The following DDN variants were observed in gnomAD, a reference collection of about 807,000 sequenced individuals.
The protein encoded by DDN is dendrin.
DDN carries 4 observed loss-of-function variants against 7.3 expected under a neutral mutation model. The ratio of observed to expected loss-of-function variants is 0.55; its 90% CI spans 0.27 to 1.25. The LOEUF (loss-of-function observed/expected upper bound fraction) is 1.25. Among genes scored for constraint, DDN ranks in the 50% most tolerant of loss-of-function variants. DDN has a pLI of 0.12. For synonymous variants in DDN, 425 were observed against 424.3 expected (o/e 1.00, Z -0.02); for missense variants, 933 against 974.7 (o/e 0.96, Z 0.57).
At chr12:48,999,017 G>A (rs750266624) in intron 1 of DDN, 62 bp downstream of exon 1, 33 of 1,562,408 alleles carry the variant, frequency 2.1e-5, no homozygotes, top group Non-Finnish European at 2.7e-5. Flanking sequence ...GGTGCCTGCG[G>A]GGAGGTCCGG....
chr12:48,997,077 C>G lies in DDN; in HGVS notation c.1799G>C (p.Trp600Ser). The G allele has an allele frequency of 1.3e-6, 2 of 1,523,062 alleles. No individual in the cohort carries two copies. Among genetic ancestry groups the G allele is most frequent in the Non-Finnish European group, 1.7e-6 (2 of 1,143,896 alleles). The allele number at this position is 1,523,062 out of a possible 1,614,324, so 94.3% of individuals were successfully genotyped here. The change falls in exon 2 of 2, where the codon TGG becomes TCG. Residue 600 changes from tryptophan to serine, a missense_variant. Coordinates refer to ENST00000421952, the MANE Select transcript of DDN (RefSeq NM_015086.2). ...AVVQRRAGRG[W>S]ARTPGPYAGA... is the part of the protein sequence containing the mutation. ...GGCGTAGGGCCCTGGGGTCCGCGCCCAGCCCCGGCCGGCGCGCCGCTGGAC... is the reference window on the plus strand; with the variant it reads ...GGCGTAGGGCCCTGGGGTCCGCGCCGAGCCCCGGCCGGCGCGCCGCTGGAC...
chr12:48,998,547 T>A lies in DDN; in HGVS notation c.329A>T (p.Gln110Leu), dbSNP rs1216085971. 6.3e-7 allele frequency: 1 copy of A among 1,594,074 alleles called. No homozygotes were observed. Among genetic ancestry groups the A allele is most frequent in the Non-Finnish European group, 8.5e-7 (1 of 1,177,502 alleles). Residue 110 changes from glutamine to leucine, a missense_variant, in exon 2 of 2, where the codon CAA becomes CTA. By Grantham distance (113) the Gln-to-Leu change is moderately radical. Transcript: ENST00000421952. ...CTGCGACGCCGCTTTCCTTTTCTCTTGCTCCCGAGCTCGGACCTCGGCCAG... is the reference window on the plus strand; with the variant it reads ...CTGCGACGCCGCTTTCCTTTTCTCTAGCTCCCGAGCTCGGACCTCGGCCAG... ...GPLAEVRARE[Q>L]EKRKAASQER...
In DDN at chr12:48,997,559, C is replaced by A; in HGVS notation, c.1317G>T (p.Leu439Phe). ...GGGACAGGCCCTGGGAACTGCGGGG[C>A]AAGGTGTGGGCACGGCGGGTCGCCT... The part of the protein sequence containing the change: ...GWKATRRAHT[L>F]PRSSQGLSRG... Residue 439 changes from leucine (L) to phenylalanine (F), a missense_variant, in exon 2 of 2, where the codon TTG becomes TTT. Leu to Phe is a conservative substitution (Grantham distance 22). Transcript: ENST00000421952. 6.2e-7 allele frequency: 1 copy of A among 1,600,534 alleles called. No individual in the cohort carries two copies. The highest frequency in any genetic ancestry group is 8.5e-7 in the Non-Finnish European group (1 of 1,171,044).
At chr12:48,998,954 G>GAGT (rs1941259485) in intron 1 of DDN, 125 bp downstream of exon 1, 2 of 1,149,768 alleles carry the variant, frequency 1.7e-6, no homozygotes, top group South Asian at 2.9e-5. Flanking sequence ...GCCCTCGGGA[G>GAGT]CGGGCAGAGG....
Position 48,998,322 on chromosome 12 carries a change from G to A in DDN, c.554C>T (p.Pro185Leu), listed in dbSNP as rs759235565. The stretch of plus-strand genomic sequence containing the variant: ...CCAGGGCCCCGCCCACGCCGACCCT[G>A]GGTCGCTCTGCGGCTGCGCGGATGG... The part of the protein sequence containing the change: ...PRPSAQPQSD[P>L]GSAWAGPWGG... Residue 185 changes from proline to leucine, a missense_variant, in exon 2 of 2, where the codon CCA becomes CTA. Coordinates refer to ENST00000421952, the MANE Select transcript of DDN (RefSeq NM_015086.2). The A allele has an allele frequency of 1.4e-4, 222 of 1,561,352 alleles. No individual in the cohort carries two copies. Among genetic ancestry groups the A allele is most frequent in the Non-Finnish European group, 1.8e-4 (206 of 1,159,026 alleles).
In DDN at chr12:48,998,210, G is replaced by A; in HGVS notation, c.666C>T (p.Asp222=). 1.9e-6 allele frequency: 3 copies of A among 1,612,758 alleles called. No homozygotes were observed. Among genetic ancestry groups the A allele is most frequent in the Middle Eastern group, 1.7e-4 (1 of 6,054 alleles). The part of the protein sequence containing the change: ...SAGTAPRRRW[D]RPPPYVAPPS... The stretch of plus-strand genomic sequence containing the variant: ...GTGGAGCCACGTAGGGTGGCGGCCG[G>A]TCCCAGCGGCGTCGTGGGGCGGTCC... The change falls in exon 2 of 2, where the codon GAC becomes GAT. Residue 222 remains aspartate, a synonymous_variant. Transcript: ENST00000421952.
At chr12:48,998,786 G>T in intron 1 of DDN, 120 bp from the exon 2 acceptor site, 1 of 1,248,620 alleles carries the variant, frequency 8.0e-7, no homozygotes, top group Non-Finnish European at 1.1e-6. Context: ...GTGTGAGTGT[G>T]TGCGCGTGTG....
Position 48,998,135 on chromosome 12 carries a change from C to T in DDN, c.741G>A (p.Gly247=). 5 of 1,613,662 alleles carry T rather than the reference C, an allele frequency of 3.1e-6. No homozygotes were observed. The highest frequency in any genetic ancestry group is 4.2e-6 in the Non-Finnish European group (5 of 1,180,008). Residue 247 remains glycine (G), a synonymous_variant, in exon 2 of 2, where the codon GGG becomes GGA. Coordinates refer to ENST00000421952, the MANE Select transcript of DDN (RefSeq NM_015086.2). The stretch of plus-strand genomic sequence containing the variant: ...CTGATGAAGTGGGCACCTGAGAGTT[C>T]CCGGGGCCTCTCTTAGTCCCCAAGG... ...HRTLGTKRGP[G]NSQVPTSSAP... is the part of the protein sequence containing the mutation.
In DDN at chr12:48,998,683, G is replaced by A; in HGVS notation, c.210-17C>T. 1 of 1,476,602 alleles carries A rather than the reference G, an allele frequency of 6.8e-7. No individual in the cohort carries two copies. Among genetic ancestry groups the A allele is most frequent in the Non-Finnish European group, 8.9e-7 (1 of 1,123,236 alleles). 91.5% of individuals were successfully genotyped at this position (1,476,602 alleles called of 1,614,324 possible). On this transcript the variant is annotated splice_polypyrimidine_tract_variant and intron_variant, in intron 1 of 1. Transcript: ENST00000421952. ...GGCCCACACCTGGGACAATGAGCAG[G>A]AACCCAGGTGAGCAGTTTGTGGGGG... is the stretch of plus-strand genomic sequence containing the variant.
intron 1 of DDN, 126 bp from the exon 2 acceptor site, chr12:48,998,792 G>C (rs1941256612): frequency 1.7e-6 from 2 of 1,205,264 alleles, no homozygotes; most frequent in South Asian, 1.6e-5. Context: ...GTGTGTGCGC[G>C]TGTGCACGTG....
In DDN at chr12:48,996,726, C is replaced by T. The variant is rs767571349; in HGVS notation, c.*14G>A. 8.1e-6 allele frequency: 13 copies of T among 1,608,482 alleles called. No individual in the cohort carries two copies. The South Asian group carries it at 1.4e-4, about 18-fold the overall frequency. ...GATGGATGCGTTGGGGACACAAATA[C>T]AAGAAGGGGCCTCTCACTGCCTCTT... On this transcript the variant is annotated 3_prime_UTR_variant, in exon 2 of 2. Transcript: ENST00000421952.
In DDN at chr12:48,997,689, C is replaced by T. The variant is rs1941230399; in HGVS notation, c.1187G>A (p.Arg396His). The change falls in exon 2 of 2, where the codon CGC becomes CAC. Residue 396 changes from arginine to histidine, a missense_variant. Arg to His is a conservative substitution (Grantham distance 29). Coordinates refer to ENST00000421952, the MANE Select transcript of DDN (RefSeq NM_015086.2). Reference protein sequence around the residue: ...WIPSPKKQPPRHSQTLPRPWA... With the variant: ...WIPSPKKQPPHHSQTLPRPWA... ...GGGTCTGGGGAGTGTCTGGCTATGGCGGGGCGGCTGCTTTTTAGGGGAGGG... is the reference window on the plus strand; with the variant it reads ...GGGTCTGGGGAGTGTCTGGCTATGGTGGGGCGGCTGCTTTTTAGGGGAGGG... 8 of 1,571,652 alleles carry T rather than the reference C, an allele frequency of 5.1e-6. No homozygotes were observed. The highest frequency in any genetic ancestry group is 6.9e-6 in the Non-Finnish European group (8 of 1,156,942).
At position 48,997,138 on chromosome 12, in the gene DDN, C is replaced by A; in HGVS notation, c.1738G>T (p.Ala580Ser). 1.3e-6 allele frequency: 2 copies of A among 1,529,848 alleles called. No individual in the cohort carries two copies. Among genetic ancestry groups the A allele is most frequent in the South Asian group, 2.6e-5 (2 of 76,866 alleles). The allele number at this position is 1,529,848 out of a possible 1,614,324, so 94.8% of individuals were successfully genotyped here. ...HQALGPAASG[A>S]QGRAEGSEVA... The stretch of plus-strand genomic sequence containing the variant: ...TCCGACCCCTCGGCTCTGCCCTGGG[C>A]TCCCGAAGCTGCTGGGCCTAAGGCT... The change falls in exon 2 of 2, where the codon GCC becomes TCC. Residue 580 changes from alanine to serine, a missense_variant. Coordinates refer to ENST00000421952, the MANE Select transcript of DDN (RefSeq NM_015086.2).
Position 48,998,381 on chromosome 12 carries a change from C to T in DDN, c.495G>A (p.Pro165=), listed in dbSNP as rs745321984. ...CTCGCCCCACAGGCGCCAGGCGCTC[C>T]GGCCGCAAGGGAGCAGGGAGCCCTG... ...QLAGLPAPLR[P]ERLAPVGRAP... is the part of the protein sequence containing the mutation. Residue 165 remains proline, a synonymous_variant, in exon 2 of 2, where the codon CCG becomes CCA. Transcript: ENST00000421952. 12 of 1,493,786 alleles carry T rather than the reference C, an allele frequency of 8.0e-6. No homozygotes were observed. In the South Asian group the frequency reaches 1.0e-4, roughly 13 times the overall value. 92.5% of individuals were successfully genotyped at this position (1,493,786 alleles called of 1,614,324 possible).
In DDN at chr12:48,996,887, T is replaced by G. The variant is rs1418680916; in HGVS notation, c.1989A>C (p.Gly663=). The change falls in exon 2 of 2, where the codon GGA becomes GGC. Residue 663 remains glycine, a synonymous_variant. Transcript: ENST00000421952. The part of the protein sequence containing the change: ...WRNERTLPEV[G]NSSPEEDGKT... Reference sequence around the variant, plus strand: ...TCCCATCTTCCTCTGGCGAACTGTTTCCAACCTCGGGCAGGGTCCTCTCAT... The same window carrying G: ...TCCCATCTTCCTCTGGCGAACTGTTGCCAACCTCGGGCAGGGTCCTCTCAT... 2 of 1,614,022 alleles carry G rather than the reference T, an allele frequency of 1.2e-6. No individual in the cohort carries two copies. The highest frequency in any genetic ancestry group is 3.3e-5 in the Admixed American group (2 of 60,000).
chr12:48,997,814 A>G lies in DDN; in HGVS notation c.1062T>C (p.Ala354=), dbSNP rs920134062. ...EIAPAGSATA[A]PCAPHPAPRS... ...TGGGAGCGGGATGCGGGGCACAGGG[A>G]GCCGCAGTTGCAGACCCCGCAGGAG... The change falls in exon 2 of 2, where the codon GCT becomes GCC. Residue 354 remains alanine, a synonymous_variant. Coordinates refer to ENST00000421952, the MANE Select transcript of DDN (RefSeq NM_015086.2). 16 of 1,613,118 alleles carry G rather than the reference A, an allele frequency of 9.9e-6. No individual in the cohort carries two copies. Among genetic ancestry groups the G allele is most frequent in the Non-Finnish European group, 1.3e-5 (15 of 1,179,706 alleles).
In DDN at chr12:48,996,301, T is replaced by C. The variant is rs1941202395; in HGVS notation, c.*439A>G. The C allele has an allele frequency of 6.3e-6, 1 of 158,068 alleles. No individual in the cohort carries two copies. The highest frequency in any genetic ancestry group is 1.4e-5 in the Non-Finnish European group (1 of 71,434). The allele number at this position is 158,068 out of a possible 1,614,324, so 9.8% of individuals were successfully genotyped here. ...GCTTTGTTGGTTGTTGCTGGACCTATGCCTCTTCTCCCAAGAACCCCTCTG... is the reference window on the plus strand; with the variant it reads ...GCTTTGTTGGTTGTTGCTGGACCTACGCCTCTTCTCCCAAGAACCCCTCTG... On this transcript the variant is annotated 3_prime_UTR_variant, in exon 2 of 2. Transcript: ENST00000421952.
At position 48,995,515 on chromosome 12, in the gene DDN, C is replaced by G. The variant is rs1365185844; in HGVS notation, c.*1225G>C. ...CGGCTGGAGACTGCAAGGCGGGGGACCCGCGCTCGGGAACTAGGGATAGGA... is the reference window on the plus strand; with the variant it reads ...CGGCTGGAGACTGCAAGGCGGGGGAGCCGCGCTCGGGAACTAGGGATAGGA... On this transcript the variant is annotated 3_prime_UTR_variant, in exon 2 of 2. Transcript: ENST00000421952. The G allele has an allele frequency of 6.6e-6, 1 of 152,408 alleles. No homozygotes were observed. Among genetic ancestry groups the G allele is most frequent in the Admixed American group, 6.5e-5 (1 of 15,298 alleles). The allele number at this position is 152,408 out of a possible 1,614,324, so 9.4% of individuals were successfully genotyped here. A position where few individuals can be genotyped will look rare whatever the true frequency, so the allele number is the denominator to read the frequency against.
rs760623284 is a variant in DDN, at chr12:48,996,666, G to A, written c.*74C>T. On this transcript the variant is annotated 3_prime_UTR_variant, in exon 2 of 2. Coordinates refer to ENST00000421952, the MANE Select transcript of DDN (RefSeq NM_015086.2). ...TACAAGGAAAAGAGAAGCAAAGGAA[G>A]TCTGTGGGGAAGAATGGGGACCAGT... is the stretch of plus-strand genomic sequence containing the variant. 2.6e-6 allele frequency: 4 copies of A among 1,545,720 alleles called. No homozygotes were observed. The highest frequency in any genetic ancestry group is 2.5e-5 in the South Asian group (2 of 80,416).
Sources: gnomAD v4.1 joint callset for allele counts on GRCh38, gnomAD v4.1.1 for gene constraint, MANE v1.5 for transcripts, NCBI Gene and HGNC (gene_info 2026-07-23, HGNC 2026-07-21) for gene names.